Variants in LTBP2 observed in about 807,000 individuals in gnomAD.
The protein encoded by LTBP2 is latent transforming growth factor beta binding protein 2.
Under a neutral mutation model 210.6 loss-of-function variants are expected in LTBP2, and 103 were observed. The ratio of observed to expected loss-of-function variants is 0.49; its 90% CI spans 0.42 to 0.58. The LOEUF is 0.58. Ranked by LOEUF, LTBP2 falls within the 20% of genes least tolerant of loss-of-function variation. LTBP2 has a pLI of 0.00. For missense variants in LTBP2, 2,313 were observed against 2,494.5 expected, an observed-to-expected ratio of 0.93 and a Z score of 1.55; for synonymous variants, 1,007 against 1,015.0, an observed-to-expected ratio of 0.99 and a Z score of 0.15.
chr14:74,558,413 A>C (rs1345894362), intron 3 of LTBP2, among the ~76,000 whole-genome samples: 1 of 152,228 alleles, frequency 6.6e-6, no homozygotes, highest in African/African-American at 2.4e-5. Context: ...AAAACAAAAA[A>C]GAAAGCAAAC....
rs63395061 is a variant in LTBP2, at chr14:74,516,792, C to G, written c.2908+30G>C. 0.42 allele frequency: 649,070 copies of G among 1,540,358 alleles called. 141,242 individuals are homozygous for G. Among genetic ancestry groups the G allele is most frequent in the Non-Finnish European group, 0.45 (514,503 of 1,139,352 alleles). ...GAGGGACAGGTGGGTGGTGGGGTGG[C>G]AGGGCGCTTCCCTCCTTCCCGTTCC... On this transcript the variant is annotated intron_variant, in intron 18 of 35. Transcript: ENST00000261978.
rs754175360 is a variant in LTBP2, at chr14:74,611,765, G to A, written c.180C>T (p.Tyr60=). 6.2e-7 allele frequency: 1 copy of A among 1,608,938 alleles called. No individual in the cohort carries two copies. Among genetic ancestry groups the A allele is most frequent in the South Asian group, 1.1e-5 (1 of 90,944 alleles). Residue 60 remains tyrosine (Y), a synonymous_variant, in exon 1 of 36, where the codon TAC becomes TAT. Transcript: ENST00000261978. ...ANRLRRPGGS[Y]PAAAAAKVYS... ...ACACCTTGGCTGCAGCCGCTGCCGG[G>A]TAGCTGCCCCCAGGGCGCCGCAGTC... is the stretch of plus-strand genomic sequence containing the variant.
chr14:74,552,121 G>A, intron 6 of LTBP2, 66 bp downstream of exon 6: 2 of 1,463,582 alleles, frequency 1.4e-6, no homozygotes, highest in South Asian at 1.2e-5. Context: ...CACAGCCATG[G>A]TGACAGCCTC....
chr14:74,531,088 G>A (rs1375079237), intron 10 of LTBP2, among the ~76,000 whole-genome samples: 1 of 152,192 alleles, frequency 6.6e-6, no homozygotes, highest in Non-Finnish European at 1.5e-5. Flanking sequence ...ACCCCAGGGT[G>A]GAGATGACCC....
At chr14:74,548,402 C>T (rs775137782) in intron 8 of LTBP2, among the ~76,000 whole-genome samples, 2 of 152,000 alleles carry the variant, frequency 1.3e-5, no homozygotes. Context: ...AAATTGTAAG[C>T]TTGGAGAGGA....
chr14:74,603,449 C>T (rs1189428881), intron 2 of LTBP2, among the ~76,000 whole-genome samples, 186 bp downstream of exon 2: 2 of 152,198 alleles, frequency 1.3e-5, no homozygotes, highest in Non-Finnish European at 2.9e-5. Flanking sequence ...ATTTTTAAAC[C>T]TCTTCCCTTC....
At chr14:74,507,063 CA>C in intron 26 of LTBP2, 115 bp downstream of exon 26, 1 of 1,582,172 alleles carries the variant, frequency 6.3e-7, no homozygotes, top group Non-Finnish European at 8.7e-7. Context: ...GGAAAATATA[CA>C]AGCTACAATC....
intron 9 of LTBP2, among the ~76,000 whole-genome samples, chr14:74,533,629 AG>A (rs960019468): frequency 6.6e-6 from 1 of 152,204 alleles, no homozygotes; most frequent in African/African-American, 2.4e-5. Flanking sequence ...GAGGGTCAGA[AG>A]GGCACATCTT....
At chr14:74,526,053 G>A in intron 14 of LTBP2, 22 bp downstream of exon 14, 1 of 1,596,056 alleles carries the variant, frequency 6.3e-7, no homozygotes, top group Non-Finnish European at 8.5e-7. Context: ...TTGCCTAGGA[G>A]CCGCCAGGAA....
chr14:74,595,446 C>A (rs2088347021), intron 2 of LTBP2, among the ~76,000 whole-genome samples: 1 of 152,208 alleles, frequency 6.6e-6, no homozygotes, highest in South Asian at 2.1e-4. Context: ...AGTCCCAAGG[C>A]TTGTCTGGGA....
intron 14 of LTBP2, among the ~76,000 whole-genome samples, 156 bp downstream of exon 14, chr14:74,525,919 G>A (rs1282833786): frequency 6.6e-6 from 1 of 152,200 alleles, no homozygotes; most frequent in African/African-American, 2.4e-5. Context: ...TGTATAGAGA[G>A]CTCCCAGAAA....
At chr14:74,506,316 AGATTTGTAGGGAG>A in intron 27 of LTBP2, 125 bp from the exon 28 acceptor site, 1 of 1,304,604 alleles carries the variant, frequency 7.7e-7, no homozygotes. Context: ...GAGTAAGTAT[AGATTTGTAGGGAG>A]GAGGAACCAA....
In LTBP2 at chr14:74,532,644, A is replaced by G. The variant is rs1242463002; in HGVS notation, c.1865-96T>C. The G allele has an allele frequency of 7.1e-6, 10 of 1,410,410 alleles. No homozygotes were observed. In the Admixed American group the frequency reaches 1.7e-4, roughly 25 times the overall value. The allele number at this position is 1,410,410 out of a possible 1,614,324, so 87.4% of individuals were successfully genotyped here. ...GATCTTCAAATACTCTCTCCAGATA[A>G]AACAACAACAAAAGAGCTGCTATGT... On this transcript the variant is annotated intron_variant, in intron 9 of 35. Coordinates refer to ENST00000261978, the MANE Select transcript of LTBP2 (RefSeq NM_000428.3).
chr14:74,515,652 T>C (rs2087125447), intron 18 of LTBP2, among the ~76,000 whole-genome samples: 1 of 152,240 alleles, frequency 6.6e-6, no homozygotes, highest in African/African-American at 2.4e-5. Context: ...ATTCACAGTG[T>C]CATTATGATG....
At chr14:74,520,115 C>T (rs566170412) in intron 17 of LTBP2, among the ~76,000 whole-genome samples, 2 of 152,390 alleles carry the variant, frequency 1.3e-5, no homozygotes, top group African/African-American at 4.8e-5. Context: ...GGTAGCCCTG[C>T]TCCAGTCATA....
chr14:74,569,404 C>A (rs187210076), intron 3 of LTBP2, among the ~76,000 whole-genome samples: 17 of 152,252 alleles, frequency 1.1e-4, no homozygotes, highest in East Asian at 1.9e-4. Flanking sequence ...TTGCAGGAGA[C>A]CCCCTCTTAG....
intron 1 of LTBP2, among the ~76,000 whole-genome samples, chr14:74,605,302 T>C (rs183166513): frequency 4.6e-5 from 7 of 152,362 alleles, no homozygotes; most frequent in Admixed American, 4.6e-4. Context: ...GGCCCATTCC[T>C]GGCCCTTTGG....
Position 74,552,888 on chromosome 14 carries a change from T to C in LTBP2, c.1192+4A>G. 2 of 1,611,608 alleles carry C rather than the reference T, an allele frequency of 1.2e-6. No individual in the cohort carries two copies. Among genetic ancestry groups the C allele is most frequent in the Non-Finnish European group, 1.7e-6 (2 of 1,179,078 alleles). ...GGAACCATCTGAGCAGGAAAGGGACTCACAGATGCGGAAGCCAGACTTGGG... is the reference window on the plus strand; with the variant it reads ...GGAACCATCTGAGCAGGAAAGGGACCCACAGATGCGGAAGCCAGACTTGGG... On this transcript the variant is annotated splice_donor_region_variant and intron_variant, in intron 5 of 35. Transcript: ENST00000261978.
chr14:74,561,093 C>T (rs893158730), intron 3 of LTBP2, among the ~76,000 whole-genome samples: 5 of 151,966 alleles, frequency 3.3e-5, no homozygotes, highest in Non-Finnish European at 7.4e-5. Context: ...CTGAGGCAGG[C>T]AGATCACTTG....
Sources: allele counts gnomAD v4.1 joint callset (sites outside exome capture counted in the v4.1 genomes callset), GRCh38; gene constraint gnomAD v4.1.1; transcripts MANE v1.5; gene names NCBI Gene and HGNC (gene_info 2026-07-23, HGNC 2026-07-21).